Variants in ALG14 observed in about 807,000 individuals in gnomAD.
The protein encoded by ALG14 is ALG14 UDP-N-acetylglucosaminyltransferase subunit.
A neutral mutation model predicts 22.8 loss-of-function variants in ALG14; 17 were observed. The ratio of observed to expected loss-of-function variants is 0.75; its 90% CI spans 0.51 to 1.12. The LOEUF (loss-of-function observed/expected upper bound fraction) is 1.12. Among genes scored for constraint, ALG14 ranks in the 50% most tolerant of loss-of-function variants. The pLI, the probability that ALG14 is intolerant of heterozygous loss-of-function variation, is 0.00. For missense variants in ALG14, 288 were observed against 271.8 expected, an observed-to-expected ratio of 1.06 and a Z score of -0.42; for synonymous variants, 89 against 103.7, an observed-to-expected ratio of 0.86 and a Z score of 0.86.
rs188164995 is a variant in ALG14 at position 95,056,840 on chromosome 1, C to T, written c.288+8026G>A. ...TTGGGAGGCCAAGGCGGGCGGATCACGTGGTCAGGAGTTCGAGACCAGCCT... is the reference window on the plus strand; with the variant it reads ...TTGGGAGGCCAAGGCGGGCGGATCATGTGGTCAGGAGTTCGAGACCAGCCT... On this transcript the variant is annotated intron_variant, in intron 2 of 3. Transcript: ENST00000370205. Among the ~76,000 whole-genome samples the T allele has an allele frequency of 4.9e-4, 74 of 151,462 alleles. 7 individuals are homozygous for T. In the East Asian group the frequency reaches 0.013, roughly 28 times the overall value.
intron 3 of ALG14, among the ~76,000 whole-genome samples, chr1:95,016,531 GATATAA>G (rs1673500383): frequency 6.6e-6 from 1 of 152,064 alleles, no homozygotes; most frequent in Admixed American, 6.6e-5. Context: ...AACCCACCAA[GATATAA>G]ATATAAATTT....
chr1:95,051,430 C>T (rs906790442), intron 2 of ALG14, among the ~76,000 whole-genome samples: 1 of 152,186 alleles, frequency 6.6e-6, no homozygotes, highest in African/African-American at 2.4e-5. Flanking sequence ...TCATTTGGAG[C>T]ACTGCAATAG....
At chr1:95,011,647 C>T (rs568350560) in intron 3 of ALG14, among the ~76,000 whole-genome samples, 5 of 152,022 alleles carry the variant, frequency 3.3e-5, no homozygotes, top group East Asian at 1.9e-4. Context: ...GATCTCCTGA[C>T]CTTGTGATCT....
chr1:94,988,552 T>G (rs1672695563), intron 3 of ALG14, among the ~76,000 whole-genome samples: 1 of 151,942 alleles, frequency 6.6e-6, no homozygotes, highest in African/African-American at 2.4e-5. Context: ...GGAGCTCAGG[T>G]GTCAGCTGGA....
At chr1:95,048,896 A>C (rs1309225662) in intron 2 of ALG14, among the ~76,000 whole-genome samples, 2 of 152,160 alleles carry the variant, frequency 1.3e-5, no homozygotes, top group Non-Finnish European at 2.9e-5. Flanking sequence ...ACTCAGAGAA[A>C]GACAGGCTGA....
At chr1:95,052,004 TTC>T (rs1200908652) in intron 2 of ALG14, among the ~76,000 whole-genome samples, 2 of 152,242 alleles carry the variant, frequency 1.3e-5, no homozygotes, top group African/African-American at 4.8e-5. Context: ...GCAGAGATTT[TTC>T]TGTTTTATTT....
chr1:94,983,515 T>A (rs1378018446), intron 3 of ALG14: 1 of 559,742 alleles, frequency 1.8e-6, no homozygotes, highest in Non-Finnish European at 3.2e-6. Flanking sequence ...GCTCTCTTGC[T>A]TACCAACTGT....
intron 3 of ALG14, among the ~76,000 whole-genome samples, chr1:95,000,535 T>TAAAA (rs71588535): frequency 2.7e-4 from 19 of 70,604 alleles, no homozygotes; most frequent in African/African-American, 8.8e-4. Flanking sequence ...GACCCTGTCC[T>TAAAA]AAAAAAAAAA....
chr1:95,056,991 G>A (rs1006349830), intron 2 of ALG14, among the ~76,000 whole-genome samples: 4 of 150,050 alleles, frequency 2.7e-5, no homozygotes, highest in African/African-American at 9.8e-5. Flanking sequence ...AGGAGGTGGA[G>A]GTTGCAGTGA....
chr1:95,041,309 G>A (rs549565293), intron 2 of ALG14, among the ~76,000 whole-genome samples: 3 of 152,186 alleles, frequency 2.0e-5, no homozygotes, highest in Admixed American at 6.5e-5. Context: ...GCCACCAGTT[G>A]TAATATACAT....
At chr1:94,988,019 G>C (rs1043852548) in intron 3 of ALG14, among the ~76,000 whole-genome samples, 4 of 152,188 alleles carry the variant, frequency 2.6e-5, no homozygotes, top group African/African-American at 9.7e-5. Context: ...CACAGCTGCA[G>C]GGAAAGCTTT....
intron 3 of ALG14, among the ~76,000 whole-genome samples, chr1:95,002,324 G>A (rs1673090980): frequency 1.3e-5 from 2 of 151,834 alleles, no homozygotes; most frequent in Non-Finnish European, 1.5e-5. Flanking sequence ...GGAGGAGAAA[G>A]ACAGGCAGCC....
At chr1:95,064,667 A>G (rs1192602056) in intron 2 of ALG14, among the ~76,000 whole-genome samples, 199 bp downstream of exon 2, 2 of 152,088 alleles carry the variant, frequency 1.3e-5, no homozygotes, top group African/African-American at 4.8e-5. Context: ...TTGATGTGCT[A>G]AGCAACCATT....
chr1:95,051,978 T>C (rs191382684), intron 2 of ALG14, among the ~76,000 whole-genome samples: 1 of 152,228 alleles, frequency 6.6e-6, no homozygotes, highest in African/African-American at 2.4e-5. Flanking sequence ...GCCACTAGAA[T>C]GTAGCCTCCA....
At chr1:95,036,443 T>C (rs1571634132) in intron 2 of ALG14, among the ~76,000 whole-genome samples, 1 of 105,048 alleles carries the variant, frequency 9.5e-6, no homozygotes, top group Non-Finnish European at 1.9e-5. Flanking sequence ...TTTTTTTTTT[T>C]TGAGATGGAG....
At chr1:94,983,887 G>A (rs199822234) in intron 3 of ALG14, among the ~76,000 whole-genome samples, 2 of 151,432 alleles carry the variant, frequency 1.3e-5, no homozygotes, top group Non-Finnish European at 2.9e-5. Flanking sequence ...GACTACAGGC[G>A]CCCGCCACCA....
intron 1 of ALG14, 44 bp downstream of exon 1, chr1:95,072,719 G>T (rs750585020): frequency 6.2e-7 from 1 of 1,606,726 alleles, no homozygotes; most frequent in African/African-American, 1.4e-5. Context: ...TCTGGGGTTT[G>T]TAGTGACCAA....
At chr1:95,039,768 G>A (rs12022525) in intron 2 of ALG14, among the ~76,000 whole-genome samples, 23,164 of 152,096 alleles carry the variant, frequency 0.15, 2,209 homozygotes, top group East Asian at 0.4. Context: ...GGGAATCTAG[G>A]AAGATAATAT....
At chr1:94,990,239 C>T (rs2100719251) in intron 3 of ALG14, among the ~76,000 whole-genome samples, 2 of 152,080 alleles carry the variant, frequency 1.3e-5, no homozygotes, top group African/African-American at 4.8e-5. Flanking sequence ...CGGGCTGAAG[C>T]CTGGGAAAGG....
Sources: gnomAD v4.1 joint callset for allele counts (sites outside exome capture counted in the v4.1 genomes callset) on GRCh38, gnomAD v4.1.1 for gene constraint, MANE v1.5 for transcripts, NCBI Gene and HGNC (gene_info 2026-07-23, HGNC 2026-07-21) for gene names.